Variants in MYLK observed in about 807,000 individuals in gnomAD.
MYLK encodes the protein myosin light chain kinase, smooth muscle.
In MYLK, 106 loss-of-function variants were observed where a neutral mutation model predicts 203.4. That is an observed-to-expected ratio of 0.52 (90% confidence interval 0.45 to 0.61). The LOEUF is 0.61. Ranked by LOEUF, MYLK falls within the 20% of genes least tolerant of loss-of-function variation. The pLI is 0.00. For missense variants in MYLK, 2,072 were observed against 2,442.3 expected (o/e 0.85, Z 3.20); for synonymous variants, 867 against 959.5 (o/e 0.90, Z 1.78).
At chr3:123,647,493 G>A in intron 26 of MYLK, 66 bp from the exon 27 acceptor site, 1 of 1,385,778 alleles carries the variant, frequency 7.2e-7, no homozygotes, top group Non-Finnish European at 1.0e-6. Context: ...CTTGGGGTTG[G>A]CAAATTATGG....
chr3:123,655,325 CCT>C (rs2059358917), intron 24 of MYLK, among the ~76,000 whole-genome samples: 1 of 152,156 alleles, frequency 6.6e-6, no homozygotes, highest in Admixed American at 6.5e-5. Context: ...GGTTCTCTCC[CCT>C]CTCAGTCCTT....
intron 3 of MYLK, among the ~76,000 whole-genome samples, chr3:123,818,049 G>T (rs555921173): frequency 6.6e-6 from 1 of 152,238 alleles, no homozygotes; most frequent in South Asian, 2.1e-4. Flanking sequence ...ACAGAGCCCA[G>T]ACAGCACATC....
Position 123,870,649 on chromosome 3 carries a change from A to G in MYLK, c.-127+5910T>C, listed in dbSNP as rs76984775. ...ACCACATTAGTAGACTAAAGCAGGT[A>G]GGTGTAGGCAAACTATGGCCCATGG... On this transcript the variant is annotated intron_variant, in intron 2 of 33. Transcript: ENST00000360304. 6.2e-4 allele frequency among the ~76,000 whole-genome samples: 94 copies of G among 152,378 alleles called. 2 individuals are homozygous for G. In the South Asian group the frequency reaches 0.011, roughly 18 times the overall value.
intron 4 of MYLK, among the ~76,000 whole-genome samples, chr3:123,772,472 AG>A (rs1428167214): frequency 6.6e-6 from 1 of 152,142 alleles, no homozygotes; most frequent in African/African-American, 2.4e-5. Context: ...AAATGTTAAA[AG>A]TAAAAAAAGG....
At chr3:123,849,855 T>C (rs2030530433) in intron 2 of MYLK, among the ~76,000 whole-genome samples, 1 of 152,206 alleles carries the variant, frequency 6.6e-6, no homozygotes, top group Non-Finnish European at 1.5e-5. Context: ...TAACTCATCA[T>C]TTACATTAGG....
At chr3:123,706,256 G>T (rs1247686616) in intron 16 of MYLK, among the ~76,000 whole-genome samples, 2 of 152,174 alleles carry the variant, frequency 1.3e-5, no homozygotes, top group Non-Finnish European at 2.9e-5. Context: ...AAGTATTGGG[G>T]TGGTTCGTTA....
chr3:123,720,123 T>G (rs2062035549), intron 13 of MYLK, among the ~76,000 whole-genome samples: 1 of 152,056 alleles, frequency 6.6e-6, no homozygotes, highest in African/African-American at 2.4e-5. Context: ...TGGGAGGGGG[T>G]TCTGTCATGC....
chr3:123,739,082 G>T lies in MYLK; in HGVS notation c.423-20C>A, dbSNP rs746113060. 4.6e-5 allele frequency: 74 copies of T among 1,612,952 alleles called. No individual in the cohort carries two copies. The East Asian group carries it at 1.2e-3, about 27-fold the overall frequency. The stretch of plus-strand genomic sequence containing the variant: ...CTATCCCTGTAAGGAAATTGGCAGA[G>T]AATCCAGTCCCAGACAAGGCAGCAA... On this transcript the variant is annotated intron_variant, in intron 6 of 33. Transcript: ENST00000360304.
intron 2 of MYLK, among the ~76,000 whole-genome samples, chr3:123,867,993 C>T (rs929924266): frequency 2.0e-5 from 3 of 152,196 alleles, no homozygotes; most frequent in South Asian, 2.1e-4. Context: ...GCTGATTAGC[C>T]GGGTCCTATG....
Position 123,813,661 on chromosome 3 carries a change from C to T in MYLK, c.-4+17887G>A, listed in dbSNP as rs570886066. On this transcript the variant is annotated intron_variant, in intron 3 of 33. Transcript: ENST00000360304. ...GAGTTGCTGGGATTACAGACATGTG[C>T]GACCACGCCTGACTAATTTTTGTAT... Among the ~76,000 whole-genome samples, 63 of 152,222 alleles carry T rather than the reference C, an allele frequency of 4.1e-4. No homozygotes were observed. The South Asian group carries it at 8.9e-3, about 22-fold the overall frequency.
chr3:123,629,807 C>G lies in MYLK; in HGVS notation c.4962-181G>C, dbSNP rs527480711. On this transcript the variant is annotated intron_variant, in intron 29 of 33. Coordinates refer to ENST00000360304, the MANE Select transcript of MYLK (RefSeq NM_053025.4). This position sits in a 1 kb window ranked among gnomAD's most constrained non-coding sequence, Gnocchi z 4.4. ...AGAAAAGAGGGTGTGGTTCACAGCC[C>G]TGTCTTTTCTTGGTCACCTGCCTCT... 6 of 635,276 alleles carry G rather than the reference C, an allele frequency of 9.4e-6. No individual in the cohort carries two copies. In the South Asian group the frequency reaches 1.2e-4, roughly 12 times the overall value. 39.4% of individuals were successfully genotyped at this position (635,276 alleles called of 1,614,324 possible).
Position 123,618,770 on chromosome 3 carries a change from T to G in MYLK, c.5369A>C (p.Glu1790Ala). Residue 1790 changes from glutamate (E) to alanine (A), a missense_variant and splice_region_variant, in exon 33 of 34, where the codon GAA becomes GCA. Around this residue, in one of 3 missense-constraint regions of MYLK, gnomAD observed 524 missense variants for 782.4 expected, o/e 0.67. Coordinates refer to ENST00000360304, the MANE Select transcript of MYLK (RefSeq NM_053025.4). Reference sequence around the variant, plus strand: ...CTCAAGGAAAGCTTGGGACACATCTTCTAGAAGACAGAGAAGAAGACCAGG... The same window carrying G: ...CTCAAGGAAAGCTTGGGACACATCTGCTAGAAGACAGAGAAGAAGACCAGG... ...PLNAEKLESE[E>A]DVSQAFLEAV... is the part of the protein sequence containing the mutation. 1.9e-6 allele frequency: 3 copies of G among 1,614,080 alleles called. No homozygotes were observed. In the East Asian group the frequency reaches 6.7e-5, roughly 36 times the overall value.
intron 12 of MYLK, among the ~76,000 whole-genome samples, chr3:123,725,103 T>A (rs2062233523): frequency 6.6e-6 from 1 of 152,118 alleles, no homozygotes; most frequent in Non-Finnish European, 1.5e-5. Flanking sequence ...TCCCAAACCT[T>A]CTTTTCCACC....
Position 123,709,877 on chromosome 3 carries a change from C to G in MYLK, c.1821G>C (p.Arg607Ser). ...CCACAGGCAGAAGGTACTCACTCTT[C>G]CTGCTACTCTTCTTTTCTGTGTGGT... ...WVTVHEKKSS[R>S]KSEYLLPVAP... The change falls in exon 14 of 34, where the codon AGG becomes AGC. Residue 607 changes from arginine (R) to serine (S), a missense_variant. Coordinates refer to ENST00000360304, the MANE Select transcript of MYLK (RefSeq NM_053025.4). The G allele has an allele frequency of 6.2e-7, 1 of 1,614,158 alleles. No homozygotes were observed. The highest frequency in any genetic ancestry group is 8.5e-7 in the Non-Finnish European group (1 of 1,180,030).
In MYLK at chr3:123,629,755, G is replaced by T. The variant is rs2058333363; in HGVS notation, c.4962-129C>A. Reference sequence around the variant, plus strand: ...CCCAAACTCATGCTCTGTGGGCCTTGCACCTGCCTTTCTTCCACTTGTGGA... The same window carrying T: ...CCCAAACTCATGCTCTGTGGGCCTTTCACCTGCCTTTCTTCCACTTGTGGA... On this transcript the variant is annotated intron_variant, in intron 29 of 33. Transcript: ENST00000360304. The surrounding 1 kb of genome is among the most constrained non-coding windows in gnomAD (Gnocchi z 4.4). 2 of 911,358 alleles carry T rather than the reference G, an allele frequency of 2.2e-6. No homozygotes were observed. The highest frequency in any genetic ancestry group is 3.5e-6 in the Non-Finnish European group (2 of 579,242). The allele number at this position is 911,358 out of a possible 1,614,324, so 56.5% of individuals were successfully genotyped here.
intron 5 of MYLK, among the ~76,000 whole-genome samples, chr3:123,744,117 C>T (rs189904090): frequency 6.6e-6 from 1 of 152,306 alleles, no homozygotes; most frequent in African/African-American, 2.4e-5. Flanking sequence ...GATCAAAATT[C>T]CCTTCTAATC....
intron 10 of MYLK, 42 bp downstream of exon 10, chr3:123,733,645 G>T: frequency 6.2e-7 from 1 of 1,610,014 alleles, no homozygotes; most frequent in South Asian, 1.1e-5. Flanking sequence ...CCACCAAGGG[G>T]CTACATTTTG....
chr3:123,874,742 A>T (rs2033037288), intron 2 of MYLK, among the ~76,000 whole-genome samples: 1 of 152,184 alleles, frequency 6.6e-6, no homozygotes, highest in Non-Finnish European at 1.5e-5. Context: ...CACGTACCCA[A>T]TAAAAGATTA....
intron 9 of MYLK, 22 bp from the exon 10 acceptor site, chr3:123,734,244 G>T (rs111872082): frequency 2.1e-6 from 3 of 1,437,794 alleles, no homozygotes; most frequent in African/African-American, 1.5e-5. Flanking sequence ...TGAGGGTGGG[G>T]GTAGGGTGGG....
Sources: allele counts gnomAD v4.1 joint callset (sites outside exome capture counted in the v4.1 genomes callset), GRCh38; gene constraint gnomAD v4.1.1; regional missense constraint gnomAD v4.1.1; non-coding constraint Gnocchi (gnomAD v3.1); transcripts MANE v1.5; gene names NCBI Gene and HGNC (gene_info 2026-07-23, HGNC 2026-07-21).